Variants in KAZN observed in about 807,000 individuals in gnomAD.
KAZN encodes kazrin.
KAZN carries 40 observed loss-of-function variants against 87.4 expected under a neutral mutation model. The observed-to-expected ratio is 0.46, with a 90% CI of 0.36 to 0.60. The LOEUF (loss-of-function observed/expected upper bound fraction) is 0.60. Among genes scored for constraint, KAZN ranks in the 20% least tolerant of loss-of-function variants. The pLI is 0.00. For synonymous variants in KAZN, 466 were observed against 458.3 expected (o/e 1.02, Z -0.22); for missense variants, 898 against 1,073.9 (o/e 0.84, Z 2.29).
At chr1:15,052,120 A>G (rs567951375) in intron 4 of KAZN, among the ~76,000 whole-genome samples, 3 of 152,116 alleles carry the variant, frequency 2.0e-5, no homozygotes, top group Non-Finnish European at 4.4e-5. Flanking sequence ...ACAGGAGAGG[A>G]TCTAATGCAT....
chr1:14,851,656 C>T (rs1271590287), intron 1 of KAZN, among the ~76,000 whole-genome samples: 2 of 152,242 alleles, frequency 1.3e-5, no homozygotes, highest in Non-Finnish European at 2.9e-5. Context: ...CCCACTTCCA[C>T]CTGGGCGTTG....
intron 1 of KAZN, among the ~76,000 whole-genome samples, chr1:14,919,418 C>T (rs1175168495): frequency 2.0e-5 from 3 of 152,250 alleles, no homozygotes; most frequent in Non-Finnish European, 2.9e-5. Context: ...CTCAGGCGAT[C>T]CACCCGCCTT....
chr1:13,935,578 T>C (rs34624151), intron 1 of KAZN, among the ~76,000 whole-genome samples: 5,350 of 152,274 alleles, frequency 0.035, 126 homozygotes, highest in Middle Eastern at 0.075. Flanking sequence ...GTTGGAGAGC[T>C]GGCCACCTAT....
At chr1:14,093,547 C>G (rs1644056630) in intron 1 of KAZN, among the ~76,000 whole-genome samples, 2 of 152,240 alleles carry the variant, frequency 1.3e-5, no homozygotes, top group South Asian at 4.1e-4. Context: ...CCTCTTGCTT[C>G]ACTTCCTAAG....
chr1:13,987,530 C>A (rs6429817), intron 1 of KAZN, among the ~76,000 whole-genome samples: 113,530 of 152,034 alleles, frequency 0.75, 42,713 homozygotes, highest in Admixed American at 0.8. Context: ...ATACCACAGA[C>A]TGGGTAATTT....
In KAZN at chr1:14,054,400, T is replaced by C. The variant is rs190553654; in HGVS notation, c.92-126035T>C. Among the ~76,000 whole-genome samples, 190 of 152,318 alleles carry C rather than the reference T, an allele frequency of 1.2e-3. 2 individuals are homozygous for C. The highest frequency in any genetic ancestry group is 6.3e-4 in the Non-Finnish European group (43 of 68,022). On this transcript the variant is annotated intron_variant, in intron 1 of 16. Transcript: ENST00000636203. Reference sequence around the variant, plus strand: ...CAGCTCCACAAGAACCTCCCTACCCTGTAGGCCACTTTGGCATTTTTGGTA... The same window carrying C: ...CAGCTCCACAAGAACCTCCCTACCCCGTAGGCCACTTTGGCATTTTTGGTA...
chr1:15,067,656 C>T (rs989449297), intron 8 of KAZN: 3 of 985,250 alleles, frequency 3.0e-6, no homozygotes, highest in Non-Finnish European at 1.2e-6. Flanking sequence ...GACATTGTGT[C>T]CAAAGTCTCA....
intron 2 of KAZN, among the ~76,000 whole-genome samples, chr1:14,467,345 A>C (rs1269180519): frequency 1.3e-5 from 2 of 151,750 alleles, no homozygotes; most frequent in African/African-American, 4.8e-5. Context: ...AAAAAAAACA[A>C]CAAGGAAAAT....
chr1:14,738,021 C>T (rs183260047), intron 1 of KAZN, among the ~76,000 whole-genome samples: 60 of 152,330 alleles, frequency 3.9e-4, no homozygotes, highest in Non-Finnish European at 6.8e-4. Flanking sequence ...AAAGTGGGTA[C>T]ACCAGGAGAG....
At chr1:14,761,004 C>T (rs920243737) in intron 1 of KAZN, among the ~76,000 whole-genome samples, 8 of 152,126 alleles carry the variant, frequency 5.3e-5, no homozygotes, top group Non-Finnish European at 1.0e-4. Context: ...AGACAGGCAG[C>T]GGGCCAGATT....
intron 2 of KAZN, among the ~76,000 whole-genome samples, chr1:14,514,438 TGCAAA>T (rs1671146365): frequency 6.1e-5 from 1 of 16,490 alleles, no homozygotes; most frequent in East Asian, 1.6e-3. Context: ...TATATATAAT[TGCAAA>T]ATATATATAT....
At chr1:14,156,344 T>G (rs1418721124) in intron 1 of KAZN, among the ~76,000 whole-genome samples, 1 of 152,218 alleles carries the variant, frequency 6.6e-6, no homozygotes, top group Non-Finnish European at 1.5e-5. Flanking sequence ...TAAATATCCA[T>G]GAAGCCCATT....
intron 1 of KAZN, among the ~76,000 whole-genome samples, chr1:13,987,177 A>G (rs1570460191): frequency 2.0e-5 from 3 of 152,006 alleles, no homozygotes; most frequent in Admixed American, 2.0e-4. Flanking sequence ...TTTAACTTTA[A>G]GTTCTGGGAT....
At chr1:14,918,673 C>T (rs1658085130) in intron 1 of KAZN, among the ~76,000 whole-genome samples, 1 of 39,382 alleles carries the variant, frequency 2.5e-5, no homozygotes, top group Middle Eastern at 0.017. Flanking sequence ...AAGACTCCAT[C>T]TCAAAAAAAA....
intron 1 of KAZN, among the ~76,000 whole-genome samples, chr1:14,092,856 G>A (rs1469469935): frequency 6.6e-6 from 1 of 152,058 alleles, no homozygotes; most frequent in Non-Finnish European, 1.5e-5. Context: ...ATTTTTCTGT[G>A]CTATTAAAGT....
Position 14,079,102 on chromosome 1 carries a change from G to C in KAZN, c.92-101333G>C, listed in dbSNP as rs1392836762. ...GTTCATTTGGCTCACGATTCTGCGG[G>C]CTGTACAAGCATGGCACCAGTATCT... On this transcript the variant is annotated intron_variant, in intron 1 of 16. Coordinates refer to the KAZN transcript ENST00000636203. 5.3e-5 allele frequency among the ~76,000 whole-genome samples: 8 copies of C among 152,332 alleles called. No individual in the cohort carries two copies. In the East Asian group the frequency reaches 1.5e-3, roughly 29 times the overall value.
At chr1:14,388,280 T>C (rs7526601) in intron 2 of KAZN, among the ~76,000 whole-genome samples, 330 of 152,300 alleles carry the variant, frequency 2.2e-3, no homozygotes, top group African/African-American at 6.3e-3. Context: ...GTCTTCTGCA[T>C]TGCTCACGCT....
intron 2 of KAZN, among the ~76,000 whole-genome samples, chr1:14,466,885 C>T (rs996208422): frequency 2.0e-5 from 3 of 152,074 alleles, no homozygotes; most frequent in Admixed American, 1.3e-4. Flanking sequence ...AGGAGAATGG[C>T]GTGAACCCAG....
At chr1:14,760,319 G>A (rs992764952) in intron 1 of KAZN, among the ~76,000 whole-genome samples, 1 of 152,156 alleles carries the variant, frequency 6.6e-6, no homozygotes, top group South Asian at 2.1e-4. Flanking sequence ...TTTACAAATT[G>A]TTTCATTAAC....
Sources: gnomAD v4.1 joint callset for allele counts (sites outside exome capture counted in the v4.1 genomes callset) on GRCh38, gnomAD v4.1.1 for gene constraint, MANE v1.5 for transcripts, NCBI Gene and HGNC (gene_info 2026-07-23, HGNC 2026-07-21) for gene names.